Variants in CACNA1D observed in about 807,000 individuals in gnomAD.
The protein encoded by CACNA1D is calcium voltage-gated channel subunit alpha1 D, also known as voltage-dependent L-type calcium channel subunit alpha-1D.
A neutral mutation model predicts 257.1 loss-of-function variants in CACNA1D; 55 were observed. The observed-to-expected ratio is 0.21, with a 90% CI of 0.17 to 0.27. CACNA1D has a LOEUF of 0.27. CACNA1D is among the 10% of genes least tolerant of loss of function. CACNA1D has a pLI of 1.00. For missense variants in CACNA1D, 1,876 were observed against 2,784.0 expected (o/e 0.67, Z 7.34); for synonymous variants, 980 against 1,014.9 (o/e 0.97, Z 0.65).
At chr3:53,566,593 CTT>C (rs1167327753) in intron 3 of CACNA1D, among the ~76,000 whole-genome samples, 1 of 152,164 alleles carries the variant, frequency 6.6e-6, no homozygotes, top group African/African-American at 2.4e-5. Context: ...GGACCAGGGA[CTT>C]TGTCTTTTTA....
At chr3:53,738,797 A>G (rs942816240) in intron 20 of CACNA1D, among the ~76,000 whole-genome samples, 6 of 151,832 alleles carry the variant, frequency 4.0e-5, no homozygotes, top group Admixed American at 2.0e-4. Flanking sequence ...AGAGTGAGGG[A>G]AAAAAACAGC....
At chr3:53,675,280 A>G (rs2108428494) in intron 8 of CACNA1D, among the ~76,000 whole-genome samples, 1 of 152,322 alleles carries the variant, frequency 6.6e-6, no homozygotes, top group Non-Finnish European at 1.5e-5. Context: ...TCAACGTGAG[A>G]AGTGTCTCTC....
intron 3 of CACNA1D, among the ~76,000 whole-genome samples, chr3:53,504,842 G>A (rs143569019): frequency 1.9e-3 from 285 of 152,218 alleles, no homozygotes; most frequent in African/African-American, 6.5e-3. Context: ...GAACAGTTTT[G>A]AGTCTGTGTA....
intron 3 of CACNA1D, among the ~76,000 whole-genome samples, chr3:53,536,695 T>C (rs1337225240): frequency 1.3e-5 from 2 of 152,236 alleles, no homozygotes; most frequent in Non-Finnish European, 2.9e-5. Flanking sequence ...TCTTGTGACA[T>C]ATAAAAATGG....
intron 3 of CACNA1D, among the ~76,000 whole-genome samples, chr3:53,512,497 G>A (rs973523329): frequency 6.6e-6 from 1 of 152,140 alleles, no homozygotes; most frequent in African/African-American, 2.4e-5. Context: ...GATGAGGTTG[G>A]GATTGGAGAG....
At chr3:53,561,723 C>T (rs75442482) in intron 3 of CACNA1D, among the ~76,000 whole-genome samples, 3,432 of 152,272 alleles carry the variant, frequency 0.023, 61 homozygotes, top group Middle Eastern at 0.082. Flanking sequence ...TTTCTTTGAA[C>T]CCTTATTGGT....
chr3:53,718,596 C>G, intron 10 of CACNA1D: 1 of 951,862 alleles, frequency 1.1e-6, no homozygotes, highest in Non-Finnish European at 1.6e-6. Flanking sequence ...CCCCGCCCCC[C>G]GGCCCAGCAT....
intron 15 of CACNA1D, among the ~76,000 whole-genome samples, chr3:53,729,441 C>T (rs897325254): frequency 1.3e-5 from 2 of 152,138 alleles, no homozygotes; most frequent in African/African-American, 4.8e-5. Flanking sequence ...TGGGCTCCTG[C>T]AGTTTTGCCT....
intron 3 of CACNA1D, among the ~76,000 whole-genome samples, chr3:53,562,376 C>T (rs1356833503): frequency 6.6e-6 from 1 of 152,230 alleles, no homozygotes; most frequent in African/African-American, 2.4e-5. Context: ...TCTACAGATA[C>T]AGTCCATATT....
At chr3:53,796,164 C>T (rs2095506705) in intron 40 of CACNA1D, 3 of 304,618 alleles carry the variant, frequency 9.8e-6, no homozygotes, top group Admixed American at 4.0e-5. Flanking sequence ...AAAAAGGTCC[C>T]CTCTCATTGG....
rs1479536932 is a variant in CACNA1D, at chr3:53,811,297, A to T, written c.6377A>T (p.Gln2126Leu). 6.2e-7 allele frequency: 1 copy of T among 1,613,768 alleles called. No homozygotes were observed. The highest frequency in any genetic ancestry group is 2.2e-5 in the East Asian group (1 of 44,868). Residue 2126 changes from glutamine to leucine, a missense_variant, in exon 48 of 48, where the codon CAG (glutamine) becomes CTG (leucine). Physicochemically the swap from Gln to Leu is moderately radical, Grantham distance 113. This residue lies in a region of CACNA1D where 491 missense variants were observed against 554.3 expected (regional missense o/e 0.89). Coordinates refer to ENST00000350061, the MANE Select transcript of CACNA1D (RefSeq NM_001128840.3). This position sits in a 1 kb window ranked among gnomAD's most constrained non-coding sequence, Gnocchi z 4.2. The stretch of plus-strand genomic sequence containing the variant: ...GATGTGGGCCCCCTCTCACACCGGC[A>T]GGACTATGAGCTACAGGACTTTGGT... ...NGDVGPLSHR[Q>L]DYELQDFGPG...
chr3:53,776,096 A>G, intron 35 of CACNA1D, 51 bp downstream of exon 35: 1 of 1,541,484 alleles, frequency 6.5e-7, no homozygotes, highest in Non-Finnish European at 9.0e-7. Context: ...CTTATGTAGC[A>G]GTCAGCGTTC....
chr3:53,621,105 C>T (rs1164272021), intron 3 of CACNA1D, among the ~76,000 whole-genome samples: 1 of 152,160 alleles, frequency 6.6e-6, no homozygotes, highest in Non-Finnish European at 1.5e-5. Context: ...TGGAGAAGAG[C>T]TTTTTATTAC....
Position 53,501,707 on chromosome 3 carries a change from C to G in CACNA1D, c.470C>G (p.Thr157Arg). ...TTCCCTGAAGATGATTCTAATTCAA[C>G]AAATCATAACTTGGTAAGTGTCCTT... ...IPFPEDDSNS[T>R]NHNLEKVEYA... The change falls in exon 3 of 48, where the codon ACA (threonine) becomes AGA (arginine). Residue 157 changes from threonine (T) to arginine (R), a missense_variant. Thr to Arg is a moderately conservative substitution (Grantham distance 71). Coordinates refer to ENST00000350061, the MANE Select transcript of CACNA1D (RefSeq NM_001128840.3). The G allele has an allele frequency of 6.4e-7, 1 of 1,568,510 alleles. No individual in the cohort carries two copies. The highest frequency in any genetic ancestry group is 8.8e-7 in the Non-Finnish European group (1 of 1,138,972).
intron 44 of CACNA1D, among the ~76,000 whole-genome samples, chr3:53,804,087 G>C (rs1308284587): frequency 6.6e-6 from 1 of 152,206 alleles, no homozygotes; most frequent in Non-Finnish European, 1.5e-5. Context: ...CCTACAGAAA[G>C]AATGTTTGTT....
intron 3 of CACNA1D, among the ~76,000 whole-genome samples, chr3:53,640,617 A>G (rs937399333): frequency 4.6e-5 from 7 of 152,228 alleles, no homozygotes; most frequent in African/African-American, 1.4e-4. Context: ...CAGTGTATCA[A>G]TAGGTTCACC....
At chr3:53,727,686 C>T (rs1040806795) in intron 15 of CACNA1D, among the ~76,000 whole-genome samples, 1 of 152,162 alleles carries the variant, frequency 6.6e-6, no homozygotes, top group Non-Finnish European at 1.5e-5. Context: ...ATGCCTAGCA[C>T]CAGACCTGGT....
chr3:53,557,773 A>G lies in CACNA1D; in HGVS notation c.483+56053A>G, dbSNP rs577935501. ...GTTTTGATTACTACAGATTTATTGT[A>G]AGTCATAAAGCGGGGTGACTTGAAT... On this transcript the variant is annotated intron_variant, in intron 3 of 47. Transcript: ENST00000350061. Among the ~76,000 whole-genome samples the G allele has an allele frequency of 3.3e-5, 5 of 152,320 alleles. No homozygotes were observed. In the South Asian group the frequency reaches 1.0e-3, roughly 32 times the overall value.
chr3:53,499,312 G>T (rs1373145323), intron 2 of CACNA1D, among the ~76,000 whole-genome samples: 1 of 152,036 alleles, frequency 6.6e-6, no homozygotes, highest in African/African-American at 2.4e-5. Flanking sequence ...AGCAATATAT[G>T]ATTTTTTTTT....
Sources: gnomAD v4.1 joint callset for allele counts (sites outside exome capture counted in the v4.1 genomes callset) on GRCh38, gnomAD v4.1.1 for gene constraint, gnomAD v4.1.1 regional missense constraint, Gnocchi (gnomAD v3.1) non-coding constraint, MANE v1.5 for transcripts, NCBI Gene and HGNC (gene_info 2026-07-23, HGNC 2026-07-21) for gene names.